Variants in NUDT6 observed in about 807,000 individuals in gnomAD.
NUDT6 encodes the protein nudix hydrolase 6, also known as FAD diphosphatase NUDT6.
In NUDT6, 24 loss-of-function variants were observed where a neutral mutation model predicts 36.8. The observed-to-expected ratio is 0.65, with a 90% CI of 0.47 to 0.92. NUDT6 has a LOEUF of 0.92. Among genes scored for constraint, NUDT6 ranks in the 40% least tolerant of loss-of-function variants. The probability of loss-of-function intolerance (pLI) is 0.00; values close to 1 mark genes in which losing one functional copy is unlikely to be tolerated. For missense variants in NUDT6, 388 were observed against 392.8 expected (o/e 0.99, Z 0.10); for synonymous variants, 163 against 157.0 (o/e 1.04, Z -0.29).
intron 3 of NUDT6, among the ~76,000 whole-genome samples, chr4:122,903,790 C>T (rs1186734599): frequency 1.3e-5 from 2 of 152,180 alleles, no homozygotes; most frequent in African/African-American, 4.8e-5. Flanking sequence ...GCAGCATTTC[C>T]TTCCCATAGT....
chr4:122,898,175 T>A (rs553110156), intron 3 of NUDT6: 1 of 152,770 alleles, frequency 6.5e-6, no homozygotes, highest in South Asian at 2.1e-4. Flanking sequence ...TATGTAAAAA[T>A]GTAATTGCTT....
At chr4:122,917,431 G>T in intron 2 of NUDT6, 70 bp downstream of exon 2, 2 of 1,256,546 alleles carry the variant, frequency 1.6e-6, no homozygotes, top group Non-Finnish European at 2.3e-6. Flanking sequence ...TATTTGCTTA[G>T]CTGTAACAAG....
Position 122,917,483 on chromosome 4 carries a change from C to T in NUDT6, c.442+18G>A. 2 of 1,607,570 alleles carry T rather than the reference C, an allele frequency of 1.2e-6. No homozygotes were observed. Among genetic ancestry groups the T allele is most frequent in the Non-Finnish European group, 1.7e-6 (2 of 1,174,148 alleles). ...CGTCTAAAAAGTTAATTCTGCTCAT[C>T]ATGAGTTTGAAACTGACCTGCAACT... On this transcript the variant is annotated intron_variant, in intron 2 of 4. Coordinates refer to ENST00000304430, the MANE Select transcript of NUDT6 (RefSeq NM_007083.5).
At position 122,893,041 on chromosome 4, in the gene NUDT6, A is replaced by G. The variant is rs1254471955; in HGVS notation, c.738T>C (p.Cys246=). The G allele has an allele frequency of 6.2e-7, 1 of 1,614,038 alleles. No homozygotes were observed. Among genetic ancestry groups the G allele is most frequent in the African/African-American group, 1.3e-5 (1 of 74,894 alleles). ...CCAGGTCATTGAGATCCATCCACTC[A>G]CATCTTAAGCATTCTTCCTGGCAAA... The part of the protein sequence containing the change: ...INFCQEECLR[C]EWMDLNDLAK... Residue 246 remains cysteine, a synonymous_variant, in exon 5 of 5, where the codon TGT becomes TGC. Transcript: ENST00000304430.
At chr4:122,902,070 G>A (rs766588865) in intron 3 of NUDT6, among the ~76,000 whole-genome samples, 58 of 151,822 alleles carry the variant, frequency 3.8e-4, no homozygotes, top group African/African-American at 4.8e-4. Flanking sequence ...TAATCCTATC[G>A]CCTTTTATAA....
rs60782501 is a variant in NUDT6 at position 122,905,643 on chromosome 4, C to T, written c.498+6925G>A. 5.3e-3 allele frequency among the ~76,000 whole-genome samples: 803 copies of T among 152,320 alleles called. 7 individuals are homozygous for T. Among genetic ancestry groups the T allele is most frequent in the African/African-American group, 0.018 (738 of 41,572 alleles). ...CATATTCTCACCCATGAGTCACAGA[C>T]AGAACTAGGACTTCGAGAGGTCATC... On this transcript the variant is annotated intron_variant, in intron 3 of 4. Coordinates refer to ENST00000304430, the MANE Select transcript of NUDT6 (RefSeq NM_007083.5).
intron 3 of NUDT6, among the ~76,000 whole-genome samples, chr4:122,902,935 G>A (rs1727552896): frequency 6.6e-6 from 1 of 152,106 alleles, no homozygotes; most frequent in Non-Finnish European, 1.5e-5. Context: ...AAAGAAAGGA[G>A]AGCAACTGGC....
chr4:122,899,377 A>G (rs1727463008), intron 3 of NUDT6, among the ~76,000 whole-genome samples: 1 of 152,090 alleles, frequency 6.6e-6, no homozygotes, highest in African/African-American at 2.4e-5. Context: ...GATTTTGACT[A>G]TTTCATAAAC....
intron 3 of NUDT6, among the ~76,000 whole-genome samples, chr4:122,909,891 TG>T (rs570871887): frequency 4.6e-5 from 7 of 152,240 alleles, no homozygotes; most frequent in Non-Finnish European, 8.8e-5. Flanking sequence ...ATGCAAACAG[TG>T]CCACTGTGGA....
chr4:122,913,493 T>C (rs751534635), intron 2 of NUDT6, among the ~76,000 whole-genome samples: 1 of 152,180 alleles, frequency 6.6e-6, no homozygotes, highest in Non-Finnish European at 1.5e-5. Flanking sequence ...CAGATGTGCT[T>C]ACAATATTTA....
chr4:122,916,625 C>T (rs1311505910), intron 2 of NUDT6, among the ~76,000 whole-genome samples: 2 of 152,164 alleles, frequency 1.3e-5, no homozygotes, highest in African/African-American at 4.8e-5. Context: ...GAAAACTAAA[C>T]ACTAAAGTTG....
At chr4:122,910,301 T>C (rs1727707402) in intron 3 of NUDT6, among the ~76,000 whole-genome samples, 1 of 152,108 alleles carries the variant, frequency 6.6e-6, no homozygotes, top group Non-Finnish European at 1.5e-5. Flanking sequence ...AAAAATCTAC[T>C]CAAAAAACAT....
intron 4 of NUDT6, 70 bp from the exon 5 acceptor site, chr4:122,893,295 C>T: frequency 7.0e-7 from 1 of 1,430,456 alleles, no homozygotes; most frequent in Non-Finnish European, 9.4e-7. Flanking sequence ...CAAAGATTTT[C>T]AGTTAAAGTA....
intron 3 of NUDT6, among the ~76,000 whole-genome samples, chr4:122,898,451 G>T (rs796220810): frequency 1.9e-4 from 29 of 151,242 alleles, no homozygotes; most frequent in Middle Eastern, 3.4e-3. Flanking sequence ...AAAAGAATGA[G>T]AAATTATAAC....
At chr4:122,893,344 AAAGTT>A in intron 4 of NUDT6, 119 bp from the exon 5 acceptor site, 3 of 916,646 alleles carry the variant, frequency 3.3e-6, no homozygotes, top group South Asian at 2.3e-5. Flanking sequence ...CTAACAAAGT[AAAGTT>A]TTCAATACAA....
At position 122,907,696 on chromosome 4, in the gene NUDT6, G is replaced by A. The variant is rs377554982; in HGVS notation, c.498+4872C>T. On this transcript the variant is annotated intron_variant, in intron 3 of 4. Coordinates refer to ENST00000304430, the MANE Select transcript of NUDT6 (RefSeq NM_007083.5). ...GATCTCCTGACCTCGTGATCTGCCC[G>A]CCTCGGCCTCCCAAAGTGCAGGGAT... 2.7e-4 allele frequency among the ~76,000 whole-genome samples: 41 copies of A among 152,086 alleles called. No individual in the cohort carries two copies. In the South Asian group the frequency reaches 6.5e-3, roughly 24 times the overall value.
intron 3 of NUDT6, among the ~76,000 whole-genome samples, chr4:122,906,560 T>A (rs1413610905): frequency 6.6e-6 from 1 of 152,174 alleles, no homozygotes; most frequent in Non-Finnish European, 1.5e-5. Context: ...ATTCTAGATG[T>A]CCTAGTAAGA....
intron 4 of NUDT6, chr4:122,894,652 T>C (rs935073161): frequency 6.6e-6 from 1 of 152,202 alleles, no homozygotes; most frequent in Admixed American, 6.5e-5. Context: ...ACATTTGTTA[T>C]TAAATTTATT....
intron 2 of NUDT6, among the ~76,000 whole-genome samples, chr4:122,913,693 TTC>T (rs1727774823): frequency 6.6e-6 from 1 of 152,036 alleles, no homozygotes; most frequent in Non-Finnish European, 1.5e-5. Context: ...TTTGGAAGAG[TTC>T]TTTGTTTTAT....
Sources: gnomAD v4.1 joint callset for allele counts (sites outside exome capture counted in the v4.1 genomes callset) on GRCh38, gnomAD v4.1.1 for gene constraint, MANE v1.5 for transcripts, NCBI Gene and HGNC (gene_info 2026-07-23, HGNC 2026-07-21) for gene names.